Variants in SSH2 observed in about 807,000 individuals in gnomAD.
SSH2 encodes protein phosphatase Slingshot homolog 2.
Under a neutral mutation model 135.2 loss-of-function variants are expected in SSH2, and 37 were observed. The ratio of observed to expected loss-of-function variants is 0.27; its 90% CI spans 0.21 to 0.36. The LOEUF is 0.36. Ranked by LOEUF, SSH2 falls within the 10% of genes least tolerant of loss-of-function variation. The pLI, the probability that SSH2 is intolerant of heterozygous loss-of-function variation, is 1.00. For missense variants in SSH2, 1,408 were observed against 1,765.3 expected, an observed-to-expected ratio of 0.80 and a Z score of 3.63; for synonymous variants, 628 against 646.2, an observed-to-expected ratio of 0.97 and a Z score of 0.43.
intron 5 of SSH2, among the ~76,000 whole-genome samples, chr17:29,694,466 C>T (rs948350807): frequency 1.3e-5 from 2 of 152,114 alleles, no homozygotes; most frequent in Non-Finnish European, 2.9e-5. Flanking sequence ...GTCAGGAGTT[C>T]GAGACCAGCC....
intron 3 of SSH2, among the ~76,000 whole-genome samples, chr17:29,704,704 TAAAAAAAAAAAA>T (rs773267123): frequency 4.1e-5 from 4 of 98,178 alleles, no homozygotes; most frequent in South Asian, 3.3e-4. Flanking sequence ...CTCTGTCTCT[TAAAAAAAAAAAA>T]AAAAAAAAAG....
At chr17:29,683,802 G>C (rs2151075885) in intron 6 of SSH2, among the ~76,000 whole-genome samples, 1 of 152,018 alleles carries the variant, frequency 6.6e-6, no homozygotes, top group East Asian at 1.9e-4. Flanking sequence ...CCAAATAGCT[G>C]GGTATGGTGG....
At chr17:29,670,759 G>A (rs2037460839) in intron 9 of SSH2, among the ~76,000 whole-genome samples, 1 of 152,180 alleles carries the variant, frequency 6.6e-6, no homozygotes, top group African/African-American at 2.4e-5. Flanking sequence ...GGGCGACAGA[G>A]TGAGACTTGG....
At chr17:29,731,733 G>A (rs58940819) in intron 3 of SSH2, among the ~76,000 whole-genome samples, 10,140 of 152,236 alleles carry the variant, frequency 0.067, 1,088 homozygotes, top group African/African-American at 0.23. Context: ...TGAGATTACA[G>A]AAGAAGTAAT....
chr17:29,762,062 G>T (rs1445015019), intron 3 of SSH2, among the ~76,000 whole-genome samples: 1 of 151,810 alleles, frequency 6.6e-6, no homozygotes, highest in African/African-American at 2.4e-5. Context: ...TGTATTTTTC[G>T]TAGAGATGGG....
At chr17:29,718,003 A>T (rs1024381980) in intron 3 of SSH2, among the ~76,000 whole-genome samples, 6 of 152,236 alleles carry the variant, frequency 3.9e-5, no homozygotes, top group Non-Finnish European at 8.8e-5. Context: ...ATGAGACCAA[A>T]GAGGTAGAGA....
intron 1 of SSH2, among the ~76,000 whole-genome samples, chr17:29,923,976 T>G (rs2067021248): frequency 6.6e-6 from 1 of 152,246 alleles, no homozygotes; most frequent in Non-Finnish European, 1.5e-5. Flanking sequence ...GCAATACATC[T>G]GTGATAGACA....
intron 2 of SSH2, among the ~76,000 whole-genome samples, chr17:29,815,653 G>C (rs1215071004): frequency 6.6e-6 from 1 of 152,158 alleles, no homozygotes; most frequent in Non-Finnish European, 1.5e-5. Flanking sequence ...TTAATAAGTT[G>C]GAAGATCATC....
chr17:29,788,784 G>A (rs1401859203), intron 3 of SSH2, among the ~76,000 whole-genome samples: 2 of 152,118 alleles, frequency 1.3e-5, no homozygotes, highest in Non-Finnish European at 2.9e-5. Flanking sequence ...CAGGTAATGG[G>A]TAGAAGAGTT....
intron 11 of SSH2, among the ~76,000 whole-genome samples, chr17:29,658,330 T>A (rs552085503): frequency 8.9e-4 from 135 of 151,978 alleles, no homozygotes; most frequent in African/African-American, 3.0e-3. Context: ...AAGAGGTGGG[T>A]CTCGTTATGA....
At chr17:29,713,085 C>T (rs896001716) in intron 3 of SSH2, among the ~76,000 whole-genome samples, 2 of 152,206 alleles carry the variant, frequency 1.3e-5, no homozygotes, top group Non-Finnish European at 2.9e-5. Flanking sequence ...CCTGTAATTC[C>T]AGCACTTTGG....
chr17:29,767,004 A>T (rs1238688809), intron 3 of SSH2, among the ~76,000 whole-genome samples: 2 of 152,214 alleles, frequency 1.3e-5, no homozygotes, highest in African/African-American at 4.8e-5. Flanking sequence ...TGCAATCACC[A>T]TGTGGCTAAT....
At chr17:29,791,622 A>G (rs1383497599) in intron 3 of SSH2, among the ~76,000 whole-genome samples, 1 of 152,178 alleles carries the variant, frequency 6.6e-6, no homozygotes, top group Non-Finnish European at 1.5e-5. Flanking sequence ...AATCTCTTAC[A>G]TACCGTATAG....
chr17:29,630,780 A>G lies in SSH2; in HGVS notation c.*61T>C, dbSNP rs758462079. 9.5e-6 allele frequency: 14 copies of G among 1,467,430 alleles called. No homozygotes were observed. The highest frequency in any genetic ancestry group is 2.3e-5 in the Admixed American group (1 of 43,536). 90.9% of individuals were successfully genotyped at this position (1,467,430 alleles called of 1,614,324 possible). A position where few individuals can be genotyped will look rare whatever the true frequency, so the allele number is the denominator to read the frequency against. ...AACCAATAAAGTGCATGTTCCTTAC[A>G]TATTACACCTGCCCCTTTTACAAAC... On this transcript the variant is annotated 3_prime_UTR_variant, in exon 16 of 16. Coordinates refer to ENST00000540801, the MANE Select transcript of SSH2 (RefSeq NM_001282129.2).
chr17:29,834,067 G>T (rs2042903735), intron 2 of SSH2, among the ~76,000 whole-genome samples: 1 of 151,166 alleles, frequency 6.6e-6, no homozygotes, highest in Non-Finnish European at 1.5e-5. Context: ...ACCCATGAAG[G>T]TTGCAAATAA....
rs1272589018 is a variant in SSH2 at position 29,848,903 on chromosome 17, T to C, written c.90A>G (p.Ser30=). The C allele has an allele frequency of 6.5e-7, 1 of 1,534,740 alleles. No individual in the cohort carries two copies. The highest frequency in any genetic ancestry group is 1.4e-5 in the African/African-American group (1 of 73,038). Residue 30 remains serine (S), a synonymous_variant, in exon 2 of 16, where the codon TCA becomes TCG. Transcript: ENST00000540801. ...CACATTCACAGCAAAGTAATGCTGC[T>C]GATTCACTGTCTTCCAAATGAGAGC... The part of the protein sequence containing the change: ...ASSSHLEDSE[S]AALLCCECEE...
chr17:29,719,634 T>G (rs1295443637), intron 3 of SSH2, among the ~76,000 whole-genome samples: 1 of 106,640 alleles, frequency 9.4e-6, no homozygotes, highest in Non-Finnish European at 1.9e-5. Flanking sequence ...TAAAACAACT[T>G]GATGAACAGA....
rs1291587021 is a variant in SSH2, at chr17:29,695,480, G to A, written c.336C>T (p.Arg112=). Residue 112 remains arginine, a synonymous_variant, in exon 5 of 16, where the codon CGC becomes CGT. Transcript: ENST00000540801. ...TTACCAGCCTGATGTTGTCTTCTGG[G>A]CGGAGTAAAATGAACATTGCTTGGA... ...QHLQAMFILL[R]PEDNIRLAVR... The A allele has an allele frequency of 6.2e-7, 1 of 1,612,426 alleles. No individual in the cohort carries two copies. The highest frequency in any genetic ancestry group is 8.5e-7 in the Non-Finnish European group (1 of 1,179,320).
chr17:29,791,970 T>G (rs1182547561), intron 3 of SSH2, among the ~76,000 whole-genome samples: 4 of 150,598 alleles, frequency 2.7e-5, no homozygotes, highest in African/African-American at 9.8e-5. Context: ...TTGCCCAGAC[T>G]GGAGTGCAGT....
Sources: gnomAD v4.1 joint callset for allele counts (sites outside exome capture counted in the v4.1 genomes callset) on GRCh38, gnomAD v4.1.1 for gene constraint, MANE v1.5 for transcripts, NCBI Gene and HGNC (gene_info 2026-07-23, HGNC 2026-07-21) for gene names.